ZFYVE16: variants seen among roughly 807,000 people sequenced by gnomAD.
The protein encoded by ZFYVE16 is zinc finger FYVE domain-containing protein 16.
In ZFYVE16, 89 loss-of-function variants were observed where a neutral mutation model predicts 138.1. That is an observed-to-expected ratio of 0.64 (90% CI 0.54 to 0.77). ZFYVE16 has a LOEUF of 0.77. ZFYVE16 is among the 30% of genes least tolerant of loss of function. The probability of loss-of-function intolerance (pLI) is 0.00; values close to 1 mark genes in which losing one functional copy is unlikely to be tolerated. For synonymous variants in ZFYVE16, 596 were observed against 618.3 expected (o/e 0.96, Z 0.53); for missense variants, 1,793 against 1,786.7 (o/e 1.00, Z -0.06).
At chr5:80,465,377 T>C (rs1375716406) in intron 15 of ZFYVE16, among the ~76,000 whole-genome samples, 3 of 145,010 alleles carry the variant, frequency 2.1e-5, no homozygotes, top group Non-Finnish European at 4.5e-5. Flanking sequence ...GCCTCCATGG[T>C]TTCTTTTTTT....
chr5:80,420,152 G>T (rs1290021086), intron 1 of ZFYVE16, among the ~76,000 whole-genome samples: 1 of 151,548 alleles, frequency 6.6e-6, no homozygotes, highest in African/African-American at 2.4e-5. Context: ...TGGCACCCAG[G>T]CTGGAGTGCA....
Position 80,445,387 on chromosome 5 carries a change from C to T in ZFYVE16, c.2706C>T (p.Leu902=). 2 of 1,613,376 alleles carry T rather than the reference C, an allele frequency of 1.2e-6. No individual in the cohort carries two copies. The highest frequency in any genetic ancestry group is 1.7e-6 in the Non-Finnish European group (2 of 1,179,782). ...GATGTTCTGAAGACTTTAGTCCTCTCTCACCTGATGTGCCTATGGTAAGGA... is the reference window on the plus strand; with the variant it reads ...GATGTTCTGAAGACTTTAGTCCTCTTTCACCTGATGTGCCTATGGTAAGGA... ...SKRCSEDFSP[L]SPDVPMTVNT... The change falls in exon 7 of 19, where the codon CTC becomes CTT. Residue 902 remains leucine (L), a synonymous_variant. Transcript: ENST00000505560.
Position 80,436,754 on chromosome 5 carries a change from A to G in ZFYVE16, c.71-2A>G, listed in dbSNP as rs1252458564. On this transcript the variant is annotated splice_acceptor_variant, in intron 3 of 18. Transcript: ENST00000505560. LOFTEE classifies it high-confidence loss of function. Reference sequence around the variant, plus strand: ...CCGAATAACACTGTTTCTCTATTTCAGATGAACAAGATTATCTCCAAGATG... The same window carrying G: ...CCGAATAACACTGTTTCTCTATTTCGGATGAACAAGATTATCTCCAAGATG... The G allele has an allele frequency of 6.2e-7, 1 of 1,601,306 alleles. No homozygotes were observed. The highest frequency in any genetic ancestry group is 1.7e-5 in the Admixed American group (1 of 57,742).
rs757966798 is a variant in ZFYVE16 at position 80,438,143 on chromosome 5, C to A, written c.1458C>A (p.Gly486=). The change falls in exon 4 of 19, where the codon GGC becomes GGA. Residue 486 remains glycine, a synonymous_variant. Transcript: ENST00000505560. The part of the protein sequence containing the change: ...TVVESQEGLS[G]THVPESSDCC... ...TAGAATCTCAAGAGGGGCTTTCTGG[C>A]ACTCATGTCCCAGAGTCTTCTGATT... 13 of 1,613,838 alleles carry A rather than the reference C, an allele frequency of 8.1e-6. No homozygotes were observed. In the African/African-American group the frequency reaches 1.6e-4, roughly 20 times the overall value.
chr5:80,476,866 A>C (rs1754959063), intron 18 of ZFYVE16, among the ~76,000 whole-genome samples: 1 of 152,206 alleles, frequency 6.6e-6, no homozygotes, highest in Non-Finnish European at 1.5e-5. Context: ...TGCAACAACA[A>C]ATTTGAAATA....
At chr5:80,428,440 C>A (rs1748469262) in intron 2 of ZFYVE16, among the ~76,000 whole-genome samples, 1 of 152,164 alleles carries the variant, frequency 6.6e-6, no homozygotes, top group Non-Finnish European at 1.5e-5. Flanking sequence ...GACATCCACA[C>A]CAAAACCCCA....
chr5:80,473,565 A>G (rs545222952), intron 16 of ZFYVE16, among the ~76,000 whole-genome samples, 189 bp from the exon 17 acceptor site: 2 of 152,352 alleles, frequency 1.3e-5, no homozygotes, highest in South Asian at 4.1e-4. Flanking sequence ...TTATTGATGA[A>G]CAAAAAAGAT....
chr5:80,430,758 A>T (rs932063430), intron 2 of ZFYVE16, among the ~76,000 whole-genome samples: 7 of 152,200 alleles, frequency 4.6e-5, no homozygotes, highest in Middle Eastern at 3.4e-3. Context: ...AAAGGGGATA[A>T]CACCACCGAT....
At chr5:80,419,431 A>T (rs891971237) in intron 1 of ZFYVE16, among the ~76,000 whole-genome samples, 15 of 152,056 alleles carry the variant, frequency 9.9e-5, no homozygotes, top group African/African-American at 3.6e-4. Context: ...TCTTGCCAAT[A>T]CCAAATTGCC....
chr5:80,445,485 C>CTTT, intron 7 of ZFYVE16, 80 bp downstream of exon 7: 15 of 991,986 alleles, frequency 1.5e-5, no homozygotes, highest in South Asian at 3.8e-5. Context: ...TATTAGAGTG[C>CTTT]TTTTTTTTTT....
chr5:80,470,964 C>G (rs1324984269), intron 15 of ZFYVE16, among the ~76,000 whole-genome samples: 1 of 152,104 alleles, frequency 6.6e-6, no homozygotes, highest in East Asian at 1.9e-4. Flanking sequence ...GTTGGACTAC[C>G]AGAATGAGCC....
intron 5 of ZFYVE16, 29 bp from the exon 6 acceptor site, chr5:80,443,094 T>C: frequency 6.7e-7 from 1 of 1,500,842 alleles, no homozygotes; most frequent in African/African-American, 1.5e-5. Flanking sequence ...ACATCTGAGA[T>C]TTTAACACTA....
chr5:80,428,127 G>C (rs867429133), intron 2 of ZFYVE16, among the ~76,000 whole-genome samples: 2 of 152,130 alleles, frequency 1.3e-5, no homozygotes, highest in African/African-American at 4.8e-5. Flanking sequence ...CCAGCACGGA[G>C]TTTGAGATGT....
intron 15 of ZFYVE16, among the ~76,000 whole-genome samples, chr5:80,460,264 A>G (rs1167478907): frequency 6.6e-6 from 1 of 152,194 alleles, no homozygotes; most frequent in Non-Finnish European, 1.5e-5. Context: ...TTTATTGGAC[A>G]TGCATGTTGC....
Position 80,451,555 on chromosome 5 carries a change from A to G in ZFYVE16, c.3453A>G (p.Gly1151=). The change falls in exon 11 of 19, where the codon GGA becomes GGG. Residue 1151 remains glycine (G), a synonymous_variant. Transcript: ENST00000505560. ...TTCTCAGTAGCAAGGATCACGGAGG[A>G]TTCCTGTTTATTACACCTACTTTTC... ...ESFLSSKDHG[G]FLFITPTFQK... is the part of the protein sequence containing the mutation. 6.2e-7 allele frequency: 1 copy of G among 1,613,888 alleles called. No homozygotes were observed. Among genetic ancestry groups the G allele is most frequent in the African/African-American group, 1.3e-5 (1 of 75,042 alleles).
chr5:80,465,030 T>C (rs1753532918), intron 15 of ZFYVE16, among the ~76,000 whole-genome samples: 1 of 152,198 alleles, frequency 6.6e-6, no homozygotes, highest in South Asian at 2.1e-4. Flanking sequence ...TTATAATTAT[T>C]GATTTATGCA....
At position 80,477,424 on chromosome 5, in the gene ZFYVE16, T is replaced by C. The variant is rs368156549; in HGVS notation, c.*47T>C. ...ATATTGCAACCTAATTTGTTAAAAC[T>C]AACTCCAGCACTAAAGCTGAAATGC... On this transcript the variant is annotated 3_prime_UTR_variant, in exon 19 of 19. Coordinates refer to ENST00000505560, the MANE Select transcript of ZFYVE16 (RefSeq NM_001284236.3). 2 of 1,552,364 alleles carry C rather than the reference T, an allele frequency of 1.3e-6. No homozygotes were observed. The highest frequency in any genetic ancestry group is 1.7e-6 in the Non-Finnish European group (2 of 1,150,596).
chr5:80,437,842 G>A lies in ZFYVE16; in HGVS notation c.1157G>A (p.Gly386Glu). 1 of 1,613,956 alleles carries A rather than the reference G, an allele frequency of 6.2e-7. No homozygotes were observed. Among genetic ancestry groups the A allele is most frequent in the Non-Finnish European group, 8.5e-7 (1 of 1,179,958 alleles). Residue 386 changes from glycine to glutamate, a missense_variant, in exon 4 of 19, where the codon GGA becomes GAA. Physicochemically the swap from Gly to Glu is moderately conservative, Grantham distance 98 (BLOSUM62 -2). Coordinates refer to ENST00000505560, the MANE Select transcript of ZFYVE16 (RefSeq NM_001284236.3). The part of the protein sequence containing the change: ...SCLPASGSMC[G>E]SLIESKARGD... ...CTTCCTGCGTCTGGGTCTATGTGTG[G>A]ATCATTAATTGAAAGTAAAGCACGG...
chr5:80,461,982 CA>C lies in ZFYVE16; in HGVS notation c.4024+2498del, dbSNP rs368392774. On this transcript the variant is annotated intron_variant, in intron 15 of 18. Coordinates refer to ENST00000505560, the MANE Select transcript of ZFYVE16 (RefSeq NM_001284236.3). ...GACTGTCTCAAAAAACAAAACAAAA[CA>C]AAAAAAAAACACCAGTCCTTTCAGA... 1.2e-4 allele frequency among the ~76,000 whole-genome samples: 18 copies of C among 145,294 alleles called. 1 individual carries two copies. Among genetic ancestry groups the C allele is most frequent in the African/African-American group, 3.5e-4 (14 of 39,720 alleles).
Sources: gnomAD v4.1 joint callset for allele counts (sites outside exome capture counted in the v4.1 genomes callset) on GRCh38, gnomAD v4.1.1 for gene constraint, MANE v1.5 for transcripts, NCBI Gene and HGNC (gene_info 2026-07-23, HGNC 2026-07-21) for gene names.